Variants in F13A1 observed in about 807,000 individuals in gnomAD.
F13A1 encodes the protein FSF, A subunit.
In F13A1, 47 loss-of-function variants were observed where a neutral mutation model predicts 80.1. That is an observed-to-expected ratio of 0.59 (90% CI 0.46 to 0.75). F13A1 has a LOEUF of 0.75. F13A1 is among the 30% of genes least tolerant of loss of function. F13A1 has a pLI of 0.00. For synonymous variants in F13A1, 349 were observed against 344.9 expected (o/e 1.01, Z -0.13); for missense variants, 817 against 930.4 (o/e 0.88, Z 1.59).
intron 3 of F13A1, among the ~76,000 whole-genome samples, chr6:6,287,137 G>C (rs1399204682): frequency 6.6e-6 from 1 of 152,136 alleles, no homozygotes; most frequent in Non-Finnish European, 1.5e-5. Flanking sequence ...TTCTTTAGTG[G>C]GCTGTAATTC....
At chr6:6,149,900 C>T (rs1048387236) in intron 14 of F13A1, among the ~76,000 whole-genome samples, 2 of 152,252 alleles carry the variant, frequency 1.3e-5, no homozygotes, top group South Asian at 2.1e-4. Flanking sequence ...TCCCGATTCA[C>T]TCCACTTTGC....
chr6:6,164,335 G>A (rs540246437), intron 13 of F13A1, among the ~76,000 whole-genome samples: 1 of 152,264 alleles, frequency 6.6e-6, no homozygotes, highest in African/African-American at 2.4e-5. Context: ...GGGTCTACTG[G>A]AGTGGGGAGG....
chr6:6,167,362 TCA>T (rs1192090732), intron 13 of F13A1, 94 bp downstream of exon 13: 5,462 of 1,048,032 alleles, frequency 5.2e-3, no homozygotes, highest in Non-Finnish European at 5.8e-3. Context: ...GGACATTCAT[TCA>T]CACACACACA....
intron 8 of F13A1, 146 bp from the exon 9 acceptor site, chr6:6,197,472 C>T (rs1277213097): frequency 6.9e-6 from 5 of 727,554 alleles, no homozygotes; most frequent in Admixed American, 6.1e-5. Flanking sequence ...AAGGTCAAGA[C>T]ATCAAGACCA....
intron 3 of F13A1, among the ~76,000 whole-genome samples, chr6:6,283,587 G>C (rs1758095492): frequency 6.6e-6 from 1 of 151,908 alleles, no homozygotes; most frequent in Admixed American, 6.6e-5. Context: ...AGTGGAGTTT[G>C]TTTCGAAATT....
chr6:6,282,732 T>A (rs1449902022), intron 3 of F13A1, among the ~76,000 whole-genome samples: 1 of 152,124 alleles, frequency 6.6e-6, no homozygotes, highest in Non-Finnish European at 1.5e-5. Flanking sequence ...TCATCCAGGG[T>A]CACACCTCAT....
At chr6:6,230,470 C>T (rs1282252948) in intron 6 of F13A1, among the ~76,000 whole-genome samples, 1 of 152,112 alleles carries the variant, frequency 6.6e-6, no homozygotes, top group Admixed American at 6.5e-5. Flanking sequence ...CTCAGACACG[C>T]CTAGCCCAGC....
At chr6:6,225,643 G>A (rs1422419979) in intron 6 of F13A1, among the ~76,000 whole-genome samples, 1 of 152,012 alleles carries the variant, frequency 6.6e-6, no homozygotes, top group Non-Finnish European at 1.5e-5. Flanking sequence ...GAGTAGCTAG[G>A]ACTACAGGTG....
chr6:6,231,591 A>G (rs1280807509), intron 6 of F13A1, among the ~76,000 whole-genome samples: 1 of 152,246 alleles, frequency 6.6e-6, no homozygotes, highest in Non-Finnish European at 1.5e-5. Flanking sequence ...CAGGAAATTC[A>G]TTGCAGAAAG....
intron 3 of F13A1, among the ~76,000 whole-genome samples, chr6:6,270,736 G>A (rs1561674479): frequency 1.3e-5 from 2 of 152,200 alleles, no homozygotes; most frequent in Admixed American, 6.5e-5. Context: ...AATGGCAAAA[G>A]GGATCTAGGG....
intron 2 of F13A1, among the ~76,000 whole-genome samples, chr6:6,314,643 A>G (rs1414214881): frequency 6.6e-6 from 1 of 152,238 alleles, no homozygotes; most frequent in Non-Finnish European, 1.5e-5. Flanking sequence ...TGCATAAATC[A>G]CAGTCACAGT....
intron 2 of F13A1, among the ~76,000 whole-genome samples, chr6:6,309,637 C>T (rs1758562891): frequency 6.6e-6 from 1 of 152,136 alleles, no homozygotes; most frequent in Non-Finnish European, 1.5e-5. Context: ...GTTTTAATTG[C>T]ATGGTGGATC....
At position 6,162,948 on chromosome 6, in the gene F13A1, A is replaced by G. The variant is rs1760599581; in HGVS notation, c.1908+4510T>C. Reference sequence around the variant, plus strand: ...TTTCTAATCAGTAAAATAGGGTTATAGTAACGTCCTCCTTGTAGGATGGTA... The same window carrying G: ...TTTCTAATCAGTAAAATAGGGTTATGGTAACGTCCTCCTTGTAGGATGGTA... On this transcript the variant is annotated intron_variant, in intron 13 of 14. Transcript: ENST00000264870. This position sits in a 1 kb window ranked among gnomAD's most constrained non-coding sequence, Gnocchi z 4.2. Among the ~76,000 whole-genome samples, 2 of 152,216 alleles carry G rather than the reference A, an allele frequency of 1.3e-5. No homozygotes were observed. The highest frequency in any genetic ancestry group is 1.5e-5 in the Non-Finnish European group (1 of 68,044).
At chr6:6,157,903 A>C (rs1245463135) in intron 13 of F13A1, among the ~76,000 whole-genome samples, 1 of 152,210 alleles carries the variant, frequency 6.6e-6, no homozygotes, top group Non-Finnish European at 1.5e-5. Flanking sequence ...CCTCATTTTC[A>C]TTCTAAAATG....
At chr6:6,150,185 T>C (rs1682389763) in intron 14 of F13A1, among the ~76,000 whole-genome samples, 1 of 152,148 alleles carries the variant, frequency 6.6e-6, no homozygotes, top group South Asian at 2.1e-4. Context: ...AAAAGTTGGA[T>C]ACAGCAGGGG....
intron 3 of F13A1, among the ~76,000 whole-genome samples, chr6:6,294,259 G>A (rs1045186881): frequency 3.9e-5 from 6 of 152,126 alleles, no homozygotes; most frequent in Admixed American, 6.5e-5. Context: ...CCTTAATCTG[G>A]TGGGCACAAG....
chr6:6,305,058 T>C (rs1758492605), intron 3 of F13A1: 4 of 456,846 alleles, frequency 8.8e-6, no homozygotes, highest in Non-Finnish European at 1.6e-5. Context: ...AAAGTTAGAA[T>C]CATAGGATGC....
In F13A1 at chr6:6,305,332, G is replaced by T. The variant is rs757256449; in HGVS notation, c.319+19C>A. 45 of 1,613,906 alleles carry T rather than the reference G, an allele frequency of 2.8e-5. No homozygotes were observed. The highest frequency in any genetic ancestry group is 3.4e-5 in the Non-Finnish European group (40 of 1,179,902). On this transcript the variant is annotated intron_variant, in intron 3 of 14. Transcript: ENST00000264870. ...TGCAACCCATGGTGTCAAGACTGGA[G>T]CTTGCACATGGCACTCACCAATGAC...
At chr6:6,285,718 T>C (rs990079387) in intron 3 of F13A1, among the ~76,000 whole-genome samples, 6 of 152,290 alleles carry the variant, frequency 3.9e-5, no homozygotes, top group Admixed American at 3.9e-4. Flanking sequence ...CAGGCGACCA[T>C]CAGGTGACGG....
Sources: gnomAD v4.1 joint callset for allele counts (sites outside exome capture counted in the v4.1 genomes callset) on GRCh38, gnomAD v4.1.1 for gene constraint, Gnocchi (gnomAD v3.1) non-coding constraint, MANE v1.5 for transcripts, NCBI Gene and HGNC (gene_info 2026-07-23, HGNC 2026-07-21) for gene names.